BNC1: variants seen among roughly 807,000 people sequenced by gnomAD.
BNC1 encodes the protein basonuclin zinc finger protein 1.
BNC1 carries 8 observed loss-of-function variants against 66.5 expected under a neutral mutation model. The observed-to-expected ratio is 0.12, with a 90% CI of 0.07 to 0.22. The LOEUF (loss-of-function observed/expected upper bound fraction) is 0.22, where lower values mean the gene tolerates loss of function less well. Ranked by LOEUF, BNC1 falls within the 10% of genes least tolerant of loss-of-function variation. The pLI is 1.00. For missense variants in BNC1, 1,069 were observed against 1,241.3 expected (o/e 0.86, Z 2.09); for synonymous variants, 454 against 452.6 (o/e 1.00, Z -0.04).
chr15:83,268,375 T>C, intron 1 of BNC1, 143 bp from the exon 2 acceptor site: 1 of 707,320 alleles, frequency 1.4e-6, no homozygotes, highest in South Asian at 1.8e-5. Context: ...CAGAAGTGTA[T>C]ATTGTACTCT....
chr15:83,279,983 T>G (rs982450728), intron 1 of BNC1, among the ~76,000 whole-genome samples: 1 of 152,212 alleles, frequency 6.6e-6, no homozygotes, highest in African/African-American at 2.4e-5. Flanking sequence ...CATGACACAT[T>G]TGTAGTGTTC....
Position 83,257,619 on chromosome 15 carries a change from T to C in BNC1, c.2808A>G (p.Thr936=), listed in dbSNP as rs2038090844. 6.2e-7 allele frequency: 1 copy of C among 1,614,146 alleles called. No homozygotes were observed. Among genetic ancestry groups the C allele is most frequent in the Non-Finnish European group, 8.5e-7 (1 of 1,180,014 alleles). The part of the protein sequence containing the change: ...LPITCHLCQK[T]YSNKGTFRAH... Reference sequence around the variant, plus strand: ...CCCTAAAGGTCCCTTTGTTACTGTATGTCTTTTGGCAGAGATGACAGGTTA... The same window carrying C: ...CCCTAAAGGTCCCTTTGTTACTGTACGTCTTTTGGCAGAGATGACAGGTTA... Residue 936 remains threonine, a synonymous_variant, in exon 5 of 5, where the codon ACA becomes ACG. Coordinates refer to ENST00000345382, the MANE Select transcript of BNC1 (RefSeq NM_001717.4).
Position 83,257,752 on chromosome 15 carries a change from C to T in BNC1, c.2675G>A (p.Gly892Glu). ...EGTVLMEDSD[G>E]NCEGSSLVPG... ...GACAAGGCTCGACCCTTCACAGTTCCCATCACTGTCCTCCATAAGCACAGT... is the reference window on the plus strand; with the variant it reads ...GACAAGGCTCGACCCTTCACAGTTCTCATCACTGTCCTCCATAAGCACAGT... The change falls in exon 5 of 5, where the codon GGG becomes GAG. Residue 892 changes from glycine (G) to glutamate (E), a missense_variant. Physicochemically the swap from Gly to Glu is moderately conservative, Grantham distance 98. Around this residue, in one of 7 missense-constraint regions of BNC1, gnomAD observed 657 missense variants for 715.8 expected, o/e 0.92. Transcript: ENST00000345382. The T allele has an allele frequency of 6.2e-7, 1 of 1,614,142 alleles. No homozygotes were observed. The highest frequency in any genetic ancestry group is 8.5e-7 in the Non-Finnish European group (1 of 1,180,030).
intron 1 of BNC1, chr15:83,283,037 G>A: frequency 7.3e-7 from 1 of 1,377,112 alleles, no homozygotes. Context: ...AAAACCAGGG[G>A]ACGTTACCGA....
chr15:83,283,644 A>G (rs1254196854), intron 1 of BNC1, among the ~76,000 whole-genome samples: 2 of 152,174 alleles, frequency 1.3e-5, no homozygotes, highest in Non-Finnish European at 2.9e-5. Flanking sequence ...CTGTCACTCC[A>G]GGAAAACCTC....
At chr15:83,283,067 C>T in intron 1 of BNC1, 1 of 1,463,984 alleles carries the variant, frequency 6.8e-7, no homozygotes, top group Non-Finnish European at 9.2e-7. Context: ...CGTCTGATGC[C>T]CCCCGCCCCC....
intron 1 of BNC1, chr15:83,283,326 A>AGGCGGCGGCGGGGCTCCGGGTCTG: frequency 6.9e-7 from 1 of 1,446,154 alleles, no homozygotes; most frequent in South Asian, 1.3e-5. Context: ...CGGCAAAGCC[A>AGGCGGCGGCGGGGCTCCGGGTCTG]GGCGGCGGCG....
Position 83,257,674 on chromosome 15 carries a change from C to A in BNC1, c.2753G>T (p.Ser918Ile), listed in dbSNP as rs752072369. The change falls in exon 5 of 5, where the codon AGC becomes ATC. Residue 918 changes from serine to isoleucine, a missense_variant. By Grantham distance (142) the Ser-to-Ile change is moderately radical. Transcript: ENST00000345382. ...CAACCCAGAAGGCAGGCTAGCAAGG[C>A]TCTGGTCAGCCTTCTCCATCAGGAC... ...ICVLMEKADQSLASLPSGLPI... is the reference protein window; with the variant it reads ...ICVLMEKADQILASLPSGLPI... The A allele has an allele frequency of 1.2e-5, 20 of 1,613,984 alleles. No homozygotes were observed. The South Asian group carries it at 1.9e-4, about 15-fold the overall frequency.
rs532852535 is a variant in BNC1, at chr15:83,275,637, G to T, written c.100-7405C>A. Reference sequence around the variant, plus strand: ...GGTAACATGTGAATTGAGTCCCAAGGCATGCCAAGGAGTTGGTCATGTGCA... The same window carrying T: ...GGTAACATGTGAATTGAGTCCCAAGTCATGCCAAGGAGTTGGTCATGTGCA... On this transcript the variant is annotated intron_variant, in intron 1 of 4. Transcript: ENST00000345382. Among the ~76,000 whole-genome samples the T allele has an allele frequency of 2.6e-5, 4 of 152,274 alleles. No individual in the cohort carries two copies. The South Asian group carries it at 8.3e-4, about 32-fold the overall frequency.
intron 1 of BNC1, among the ~76,000 whole-genome samples, chr15:83,280,837 G>C (rs28558700): frequency 0.13 from 19,579 of 152,170 alleles, 2,064 homozygotes; most frequent in African/African-American, 0.29. Context: ...TTAGAACCCT[G>C]AATTAAGAGT....
At chr15:83,277,931 T>C (rs2151439934) in intron 1 of BNC1, among the ~76,000 whole-genome samples, 1 of 152,200 alleles carries the variant, frequency 6.6e-6, no homozygotes, top group East Asian at 1.9e-4. Flanking sequence ...GGATTTTTTT[T>C]TTCTCCTTAC....
At chr15:83,277,217 G>A (rs2038332073) in intron 1 of BNC1, among the ~76,000 whole-genome samples, 1 of 152,072 alleles carries the variant, frequency 6.6e-6, no homozygotes, top group Non-Finnish European at 1.5e-5. Context: ...TCTCACATAG[G>A]CGCATGCCAC....
At chr15:83,259,640 T>G (rs768226516) in intron 4 of BNC1, among the ~76,000 whole-genome samples, 1 of 151,932 alleles carries the variant, frequency 6.6e-6, no homozygotes, top group Non-Finnish European at 1.5e-5. Flanking sequence ...GACGTACAGG[T>G]TCCAGTACAT....
chr15:83,266,733 G>T, intron 3 of BNC1, 103 bp downstream of exon 3: 1 of 1,020,834 alleles, frequency 9.8e-7, no homozygotes, highest in Non-Finnish European at 1.5e-6. Flanking sequence ...GGGAAAGATG[G>T]CCACCAAGGG....
chr15:83,266,532 G>T (rs1034801725), intron 3 of BNC1, among the ~76,000 whole-genome samples: 1 of 152,130 alleles, frequency 6.6e-6, no homozygotes. Context: ...AGTAGTTTGG[G>T]ACTAATGAAA....
rs748718362 is a variant in BNC1, at chr15:83,257,419, A to G, written c.*23T>C. ...CTGAATTATGAAAAAAGCTTATCTG[A>G]GCATACTTGGTTTGCCATCTTGTTA... On this transcript the variant is annotated 3_prime_UTR_variant, in exon 5 of 5. Transcript: ENST00000345382. The G allele has an allele frequency of 1.3e-6, 2 of 1,592,778 alleles. No individual in the cohort carries two copies. The highest frequency in any genetic ancestry group is 1.7e-5 in the Admixed American group (1 of 58,224).
intron 1 of BNC1, chr15:83,283,373 C>A: frequency 7.8e-7 from 1 of 1,286,710 alleles, no homozygotes; most frequent in Non-Finnish European, 9.9e-7. Flanking sequence ...GGAGGAGCAG[C>A]GGGAGACCCC....
In BNC1 at chr15:83,264,397, G is replaced by C. The variant is rs1212295486; in HGVS notation, c.854C>G (p.Pro285Arg). 1.2e-6 allele frequency: 2 copies of C among 1,614,174 alleles called. No individual in the cohort carries two copies. Among genetic ancestry groups the C allele is most frequent in the Middle Eastern group, 1.6e-4 (1 of 6,062 alleles). The change falls in exon 4 of 5, where the codon CCT (proline) becomes CGT (arginine). Residue 285 changes from proline to arginine, a missense_variant. Transcript: ENST00000345382. ...DPKQEVHGPF[P>R]DSSFLTSSST... ...ACTGGAAGTTAAGAAGCTGCTGTCA[G>C]GGAAGGGCCCATGGACTTCCTGTTT...
At chr15:83,262,009 G>A (rs1214062989) in intron 4 of BNC1, among the ~76,000 whole-genome samples, 2 of 149,414 alleles carry the variant, frequency 1.3e-5, no homozygotes, top group Admixed American at 6.6e-5. Flanking sequence ...AGTTGTTTAC[G>A]CTTTACTCAA....
Sources: gnomAD v4.1 joint callset for allele counts (sites outside exome capture counted in the v4.1 genomes callset) on GRCh38, gnomAD v4.1.1 for gene constraint, gnomAD v4.1.1 regional missense constraint, MANE v1.5 for transcripts, NCBI Gene and HGNC (gene_info 2026-07-23, HGNC 2026-07-21) for gene names.